The following EXOC6B variants were observed in gnomAD, a reference collection of about 807,000 sequenced individuals.
EXOC6B encodes the protein SEC15 homolog B.
Under a neutral mutation model 113.5 loss-of-function variants are expected in EXOC6B, and 54 were observed. The ratio of observed to expected loss-of-function variants is 0.48; its 90% CI spans 0.38 to 0.60. EXOC6B has a LOEUF of 0.60. Ranked by LOEUF, EXOC6B falls within the 20% of genes least tolerant of loss-of-function variation. The pLI, the probability that EXOC6B is intolerant of heterozygous loss-of-function variation, is 0.00. For missense variants in EXOC6B, 797 were observed against 977.5 expected (o/e 0.82, Z 2.46); for synonymous variants, 357 against 339.0 (o/e 1.05, Z -0.58).
At chr2:72,252,975 A>G (rs1683122754) in intron 20 of EXOC6B, among the ~76,000 whole-genome samples, 1 of 152,210 alleles carries the variant, frequency 6.6e-6, no homozygotes, top group Non-Finnish European at 1.5e-5. Context: ...ACCTCAAAAA[A>G]AATATCCAAT....
chr2:72,257,466 A>T (rs1683421287), intron 20 of EXOC6B, among the ~76,000 whole-genome samples: 1 of 152,220 alleles, frequency 6.6e-6, no homozygotes, highest in Admixed American at 6.5e-5. Flanking sequence ...ATTGATCCTG[A>T]GTAAGCCCAA....
intron 21 of EXOC6B, among the ~76,000 whole-genome samples, chr2:72,180,322 AAGACT>A (rs1466559542): frequency 2.6e-5 from 4 of 152,258 alleles, no homozygotes; most frequent in African/African-American, 9.6e-5. Flanking sequence ...CAAGAAAGTC[AAGACT>A]AGGCTGAGAT....
In EXOC6B at chr2:72,496,460, C is replaced by T. The variant is rs1440564927; in HGVS notation, c.1437G>A (p.Leu479=). 1.3e-6 allele frequency: 2 copies of T among 1,578,122 alleles called. No homozygotes were observed. The highest frequency in any genetic ancestry group is 1.7e-6 in the Non-Finnish European group (2 of 1,154,264). Residue 479 remains leucine (L), a synonymous_variant, in exon 14 of 22, where the codon CTG becomes CTA. Transcript: ENST00000272427. The part of the protein sequence containing the change: ...VGQFPFQDIE[L]EKQPFPKKFP... ...ATTTTAAAGTATTCCTTACCTTTTC[C>T]AGTTCTATATCTTGAAATGGGAATT...
chr2:72,771,862 T>C (rs1683419399), intron 1 of EXOC6B, among the ~76,000 whole-genome samples: 1 of 152,078 alleles, frequency 6.6e-6, no homozygotes, highest in African/African-American at 2.4e-5. Flanking sequence ...CTAAAGAGCT[T>C]TTGCTTATAT....
In EXOC6B at chr2:72,332,033, G is replaced by A. The variant is rs139768384; in HGVS notation, c.2196+2914C>T. Among the ~76,000 whole-genome samples the A allele has an allele frequency of 2.0e-5, 3 of 152,106 alleles. No homozygotes were observed. In the East Asian group the frequency reaches 5.8e-4, roughly 29 times the overall value. On this transcript the variant is annotated intron_variant, in intron 20 of 21. Transcript: ENST00000272427. ...TTGATACTGTCTGAAACTCTCTAAAGCAAGACACTGTGGAAGCATGCTCAG... is the reference window on the plus strand; with the variant it reads ...TTGATACTGTCTGAAACTCTCTAAAACAAGACACTGTGGAAGCATGCTCAG...
intron 6 of EXOC6B, among the ~76,000 whole-genome samples, chr2:72,643,030 C>T (rs1673386013): frequency 6.6e-6 from 1 of 152,138 alleles, no homozygotes; most frequent in African/African-American, 2.4e-5. Flanking sequence ...CATCACTGGC[C>T]ACCAGAGAAA....
intron 19 of EXOC6B, among the ~76,000 whole-genome samples, chr2:72,374,708 G>T (rs1691244737): frequency 6.6e-6 from 1 of 151,490 alleles, no homozygotes; most frequent in Admixed American, 6.6e-5. Context: ...TAACACAAAT[G>T]ATAAATGCTT....
chr2:72,343,570 A>T (rs2104914620), intron 19 of EXOC6B, among the ~76,000 whole-genome samples: 1 of 152,276 alleles, frequency 6.6e-6, no homozygotes, highest in African/African-American at 2.4e-5. Flanking sequence ...TTCACTTTGT[A>T]GGATTCCCTT....
intron 18 of EXOC6B, among the ~76,000 whole-genome samples, chr2:72,453,406 C>T (rs968433156): frequency 3.3e-5 from 5 of 151,944 alleles, no homozygotes; most frequent in African/African-American, 1.2e-4. Context: ...TTTTAAAATG[C>T]CAACAACAAT....
At chr2:72,315,339 A>ATGTGTGTGTGTGTG (rs141556284) in intron 20 of EXOC6B, among the ~76,000 whole-genome samples, 163 of 148,670 alleles carry the variant, frequency 1.1e-3, no homozygotes, top group African/African-American at 3.8e-3. Flanking sequence ...TAAAGGGTGT[A>ATGTGTGTGTGTGTG]TGTGTGTGTG....
intron 1 of EXOC6B, among the ~76,000 whole-genome samples, chr2:72,753,506 T>A (rs1236277440): frequency 6.6e-6 from 1 of 152,126 alleles, no homozygotes; most frequent in African/African-American, 2.4e-5. Flanking sequence ...GTCCTTATCA[T>A]CTCTCTTCTG....
At chr2:72,589,039 T>C (rs148213187) in intron 6 of EXOC6B, among the ~76,000 whole-genome samples, 1 of 152,056 alleles carries the variant, frequency 6.6e-6, no homozygotes, top group African/African-American at 2.4e-5. Context: ...CAAAAGGCAG[T>C]GACGCCAAGA....
At chr2:72,606,462 A>G (rs1670759347) in intron 6 of EXOC6B, among the ~76,000 whole-genome samples, 1 of 152,110 alleles carries the variant, frequency 6.6e-6, no homozygotes, top group Non-Finnish European at 1.5e-5. Context: ...AAAAATCCAG[A>G]TATTAGTGAT....
In EXOC6B at chr2:72,347,173, A is replaced by T. The variant is rs77442971; in HGVS notation, c.2123-12153T>A. ...AAATGCTTCACAATTTTTCAAAATAAGGGTCAATTTCACCATATATCTTTT... is the reference window on the plus strand; with the variant it reads ...AAATGCTTCACAATTTTTCAAAATATGGGTCAATTTCACCATATATCTTTT... On this transcript the variant is annotated intron_variant, in intron 19 of 21. Coordinates refer to ENST00000272427, the MANE Select transcript of EXOC6B (RefSeq NM_015189.3). 4.8e-3 allele frequency among the ~76,000 whole-genome samples: 731 copies of T among 152,270 alleles called. 8 individuals carry two copies. The highest frequency in any genetic ancestry group is 0.016 in the African/African-American group (679 of 41,560).
At chr2:72,655,343 A>AT (rs1229928190) in intron 6 of EXOC6B, among the ~76,000 whole-genome samples, 1 of 152,154 alleles carries the variant, frequency 6.6e-6, no homozygotes, top group Non-Finnish European at 1.5e-5. Flanking sequence ...AAATTTATAG[A>AT]TTTTTTTAAA....
chr2:72,451,841 G>T (rs575541628), intron 18 of EXOC6B, among the ~76,000 whole-genome samples: 1 of 152,108 alleles, frequency 6.6e-6, no homozygotes, highest in Non-Finnish European at 1.5e-5. Flanking sequence ...TTCCAACATT[G>T]TGTGTTATTT....
intron 6 of EXOC6B, among the ~76,000 whole-genome samples, chr2:72,607,538 T>A (rs1573477479): frequency 6.6e-6 from 1 of 152,330 alleles, no homozygotes; most frequent in East Asian, 1.9e-4. Context: ...ATAAATTTTT[T>A]ACAAATGCTG....
intron 1 of EXOC6B, among the ~76,000 whole-genome samples, chr2:72,784,798 CT>C (rs1315654858): frequency 6.6e-6 from 1 of 152,164 alleles, no homozygotes; most frequent in Admixed American, 6.5e-5. Flanking sequence ...CATTCCACCC[CT>C]GGCCCCTCTA....
rs1425998840 is a variant in EXOC6B at position 72,178,730 on chromosome 2, A to G, written c.*605T>C. ...TAAAAGCCTGGGGTTAGATCAGGCT[A>G]AAGAAACCGCCATTCTTGGGGGATT... On this transcript the variant is annotated 3_prime_UTR_variant, in exon 22 of 22. Coordinates refer to ENST00000272427, the MANE Select transcript of EXOC6B (RefSeq NM_015189.3). The G allele has an allele frequency of 1.3e-5, 2 of 152,326 alleles. No homozygotes were observed. Among genetic ancestry groups the G allele is most frequent in the African/African-American group, 4.8e-5 (2 of 41,460 alleles). The allele number at this position is 152,326 out of a possible 1,614,324, so 9.4% of individuals were successfully genotyped here. A position where few individuals can be genotyped will look rare whatever the true frequency, so the allele number is the denominator to read the frequency against.
Sources: gnomAD v4.1 joint callset for allele counts (sites outside exome capture counted in the v4.1 genomes callset) on GRCh38, gnomAD v4.1.1 for gene constraint, MANE v1.5 for transcripts, NCBI Gene and HGNC (gene_info 2026-07-23, HGNC 2026-07-21) for gene names.